The following ATP13A3 variants were observed in gnomAD, a reference collection of about 807,000 sequenced individuals.
ATP13A3 encodes the protein ATPase 13A3, also known as polyamine-transporting ATPase 13A3.
In ATP13A3, 59 loss-of-function variants were observed where a neutral mutation model predicts 158.1. The observed-to-expected ratio is 0.37, with a 90% confidence interval of 0.30 to 0.46. ATP13A3 has a LOEUF of 0.46. Among genes scored for constraint, ATP13A3 ranks in the 20% least tolerant of loss-of-function variants. The probability of loss-of-function intolerance (pLI) is 1.00; values close to 1 mark genes in which losing one functional copy is unlikely to be tolerated. For synonymous variants in ATP13A3, 491 were observed against 504.3 expected (o/e 0.97, Z 0.35); for missense variants, 1,166 against 1,525.2 (o/e 0.76, Z 3.92).
intron 2 of ATP13A3, among the ~76,000 whole-genome samples, chr3:194,463,844 T>C (rs904633214): frequency 5.3e-5 from 8 of 152,230 alleles, no homozygotes; most frequent in African/African-American, 1.7e-4. Context: ...TTCTTGGTGT[T>C]CTATCATAAA....
rs145739793 is a variant in ATP13A3 at position 194,418,809 on chromosome 3, G to A, written c.3402+1070C>T. Among the ~76,000 whole-genome samples, 317 of 152,320 alleles carry A rather than the reference G, an allele frequency of 2.1e-3. 2 individuals are homozygous for A. Among genetic ancestry groups the A allele is most frequent in the Non-Finnish European group, 3.7e-3 (254 of 68,032 alleles). ...TTTTGTCCCTAATGGTTTGCCAAGG[G>A]TAGTAGTGGAAGGAGTATATTACCA... On this transcript the variant is annotated intron_variant, in intron 31 of 33. Coordinates refer to ENST00000645319, the MANE Select transcript of ATP13A3 (RefSeq NM_001367549.1).
Position 194,441,301 on chromosome 3 carries a change from T to C in ATP13A3, c.1710+10A>G. 5.0e-6 allele frequency: 8 copies of C among 1,593,020 alleles called. No individual in the cohort carries two copies. Among genetic ancestry groups the C allele is most frequent in the Non-Finnish European group, 6.8e-6 (8 of 1,168,684 alleles). ...CTAAAGTTATTTGTATTTTAAAATATTTGACTTACCCATCCAATAGCCTCA... is the reference window on the plus strand; with the variant it reads ...CTAAAGTTATTTGTATTTTAAAATACTTGACTTACCCATCCAATAGCCTCA... On this transcript the variant is annotated intron_variant, in intron 16 of 33. Transcript: ENST00000645319.
intron 2 of ATP13A3, among the ~76,000 whole-genome samples, chr3:194,493,432 A>G (rs1335550414): frequency 5.3e-5 from 8 of 152,038 alleles, no homozygotes; most frequent in Admixed American, 3.3e-4. Context: ...GGATCACTTG[A>G]GGTCAGGAGT....
Position 194,438,959 on chromosome 3 carries a change from G to T in ATP13A3, c.1724C>A (p.Ala575Glu). 1 of 1,581,776 alleles carries T rather than the reference G, an allele frequency of 6.3e-7. No homozygotes were observed. Among genetic ancestry groups the T allele is most frequent in the East Asian group, 2.3e-5 (1 of 44,026 alleles). Residue 575 changes from alanine to glutamate, a missense_variant, in exon 17 of 34, where the codon GCA becomes GAA. By Grantham distance (107) the Ala-to-Glu change is moderately radical. This residue lies in a region of ATP13A3 where 997 missense variants were observed against 1,341.2 expected (regional missense o/e 0.74). Transcript: ENST00000645319. ...FEAIGWILEE[A>E]TEEETALHNR... ...ATGAAGTGCTGTTTCTTCTTCAGTT[G>T]CTTCTTCCAGAATCTGGAAAAAAAA... is the stretch of plus-strand genomic sequence containing the variant.
chr3:194,486,991 G>A lies in ATP13A3; in HGVS notation c.-514C>T, dbSNP rs934030907. On this transcript the variant is annotated 5_prime_UTR_variant, in exon 1 of 34. Transcript: ENST00000645319. ...GGCAGGCAGGCGGGGGAGCGCGCGC[G>A]GGCTCAGGACTCCCGCGCCGGATGT... is the stretch of plus-strand genomic sequence containing the variant. 6.6e-6 allele frequency: 1 copy of A among 151,982 alleles called. No individual in the cohort carries two copies. The highest frequency in any genetic ancestry group is 1.5e-5 in the Non-Finnish European group (1 of 67,968). 9.4% of individuals were successfully genotyped at this position (151,982 alleles called of 1,614,324 possible).
intron 20 of ATP13A3, among the ~76,000 whole-genome samples, chr3:194,435,856 G>T (rs1256180433): frequency 6.6e-6 from 1 of 152,106 alleles, no homozygotes. Context: ...ATGGTGAACT[G>T]ACATCGTGCC....
intron 2 of ATP13A3, among the ~76,000 whole-genome samples, chr3:194,481,212 T>G: frequency 6.7e-6 from 1 of 148,732 alleles, no homozygotes; most frequent in Non-Finnish European, 1.5e-5. Flanking sequence ...TTTCATCCTA[T>G]TTCACAAATG....
At chr3:194,469,134 C>T (rs1340743174) in intron 2 of ATP13A3, among the ~76,000 whole-genome samples, 1 of 143,242 alleles carries the variant, frequency 7.0e-6, no homozygotes, top group Non-Finnish European at 1.5e-5. Context: ...CTCCATCACA[C>T]ACACACACCA....
intron 26 of ATP13A3, 122 bp downstream of exon 26, chr3:194,429,950 A>T: frequency 9.8e-7 from 1 of 1,019,510 alleles, no homozygotes; most frequent in Non-Finnish European, 1.4e-6. Context: ...CTAATAAGTT[A>T]CAGCTCAAAT....
At chr3:194,425,552 C>T (rs370766182) in intron 29 of ATP13A3, 23 bp from the exon 30 acceptor site, 23 of 1,578,976 alleles carry the variant, frequency 1.5e-5, no homozygotes, top group Non-Finnish European at 1.8e-5. Context: ...CAAAAAATGT[C>T]TGCATTAGTA....
At chr3:194,433,082 T>C (rs377651928) in intron 21 of ATP13A3, among the ~76,000 whole-genome samples, 47 of 152,260 alleles carry the variant, frequency 3.1e-4, no homozygotes, top group African/African-American at 1.1e-3. Flanking sequence ...GAGTAAAATA[T>C]ACTCCTAACC....
intron 2 of ATP13A3, among the ~76,000 whole-genome samples, chr3:194,463,353 A>ATT (rs1719790108): frequency 6.6e-6 from 1 of 151,720 alleles, no homozygotes; most frequent in Non-Finnish European, 1.5e-5. Flanking sequence ...AATTTGCAAG[A>ATT]TGTAAAACGA....
chr3:194,430,519 T>C (rs1339770508), intron 24 of ATP13A3, among the ~76,000 whole-genome samples: 1 of 152,224 alleles, frequency 6.6e-6, no homozygotes, highest in Non-Finnish European at 1.5e-5. Flanking sequence ...AGCTAGGTTA[T>C]TGTCCTATTT....
rs1469877841 is a variant in ATP13A3 at position 194,486,590 on chromosome 3, G to GCGC, written c.-116_-114dup. ...CCGGGGCCGCTCACTGGCCGCCGCC[G>GCGC]CGCCGCCTCCTCCGCGGCCTCCCTC... On this transcript the variant is annotated 5_prime_UTR_variant, in exon 1 of 34. Coordinates refer to ENST00000645319, the MANE Select transcript of ATP13A3 (RefSeq NM_001367549.1). 1 of 148,346 alleles carries GCGC rather than the reference G, an allele frequency of 6.7e-6. No individual in the cohort carries two copies. The highest frequency in any genetic ancestry group is 1.5e-5 in the Non-Finnish European group (1 of 66,636). The allele number at this position is 148,346 out of a possible 1,614,324, so 9.2% of individuals were successfully genotyped here. A position where few individuals can be genotyped will look rare whatever the true frequency, so the allele number is the denominator to read the frequency against.
intron 10 of ATP13A3, chr3:194,450,540 T>G (rs1161655866): frequency 1.0e-5 from 4 of 396,176 alleles, no homozygotes; most frequent in Non-Finnish European, 1.9e-5. Flanking sequence ...TAAGTGTGCT[T>G]CAACACTCAT....
intron 2 of ATP13A3, among the ~76,000 whole-genome samples, chr3:194,484,735 G>T (rs1021694366): frequency 5.3e-5 from 8 of 152,146 alleles, no homozygotes; most frequent in African/African-American, 1.4e-4. Context: ...TCTGTGTGTT[G>T]TATATTTGGT....
At chr3:194,467,433 ACT>A (rs1281404759) in intron 2 of ATP13A3, among the ~76,000 whole-genome samples, 2 of 152,066 alleles carry the variant, frequency 1.3e-5, no homozygotes, top group Non-Finnish European at 2.9e-5. Flanking sequence ...TTACACCATT[ACT>A]CTTTTTATGA....
At chr3:194,461,450 C>A (rs1021474322) in intron 3 of ATP13A3, among the ~76,000 whole-genome samples, 1 of 152,044 alleles carries the variant, frequency 6.6e-6, no homozygotes, top group Non-Finnish European at 1.5e-5. Flanking sequence ...TACATTTGGA[C>A]GAATAGATTT....
At position 194,431,182 on chromosome 3, in the gene ATP13A3, T is replaced by C. The variant is rs376257196; in HGVS notation, c.2466A>G (p.Gln822=). Residue 822 remains glutamine (Q), a synonymous_variant, in exon 23 of 34, where the codon CAA becomes CAG. Transcript: ENST00000645319. ...TCATTGCAAAATGATAACGAGTCATTTGAAGATCCTCTAAGCTATCATGGA... is the reference window on the plus strand; with the variant it reads ...TCATTGCAAAATGATAACGAGTCATCTGAAGATCCTCTAAGCTATCATGGA... ...KLVHDSLEDL[Q]MTRYHFAMNG... 9.3e-6 allele frequency: 15 copies of C among 1,613,604 alleles called. No individual in the cohort carries two copies. Among genetic ancestry groups the C allele is most frequent in the South Asian group, 3.3e-5 (3 of 91,076 alleles).
Sources: gnomAD v4.1 joint callset for allele counts (sites outside exome capture counted in the v4.1 genomes callset) on GRCh38, gnomAD v4.1.1 for gene constraint, gnomAD v4.1.1 regional missense constraint, MANE v1.5 for transcripts, NCBI Gene and HGNC (gene_info 2026-07-23, HGNC 2026-07-21) for gene names.